The following NHSL1 variants were observed in gnomAD, a reference collection of about 807,000 sequenced individuals.
NHSL1 encodes NHS-like protein 1.
NHSL1 carries 48 observed loss-of-function variants against 95.0 expected under a neutral mutation model. That is an observed-to-expected ratio of 0.51 (90% CI 0.40 to 0.64). The LOEUF is 0.64. NHSL1 is among the 30% of genes least tolerant of loss of function. The pLI is 0.00. For missense variants in NHSL1, 1,971 were observed against 2,077.7 expected, an observed-to-expected ratio of 0.95 and a Z score of 1.00; for synonymous variants, 783 against 833.9, an observed-to-expected ratio of 0.94 and a Z score of 1.05.
intron 7 of NHSL1, 36 bp downstream of exon 7, chr6:138,429,671 TACAC>T (rs1775495326): frequency 2.6e-6 from 4 of 1,511,860 alleles, no homozygotes; most frequent in Non-Finnish European, 3.6e-6. Flanking sequence ...AAGAAGGAAT[TACAC>T]AGTAGATTAA....
At chr6:138,610,403 GC>G (rs1784494169) in intron 1 of NHSL1, among the ~76,000 whole-genome samples, 1 of 151,938 alleles carries the variant, frequency 6.6e-6, no homozygotes, top group Non-Finnish European at 1.5e-5. Flanking sequence ...AGTGGGGGGA[GC>G]GGGGAGGGAT....
intron 1 of NHSL1, among the ~76,000 whole-genome samples, chr6:138,620,876 A>G (rs1236583275): frequency 6.6e-6 from 1 of 152,224 alleles, no homozygotes; most frequent in Non-Finnish European, 1.5e-5. Context: ...GTCTTCAAAC[A>G]TCATGCCACA....
upstream of NHSL1, among the ~76,000 whole-genome samples, chr6:138,546,427 C>CAAAAAAAAAAAAAAAAAAA (rs1177720465): frequency 1.4e-4 from 7 of 50,916 alleles, no homozygotes; most frequent in African/African-American, 3.8e-4. Flanking sequence ...CCCATCTCTA[C>CAAAAAAAAAAAAAAAAAAA]AAAAAAAAAA....
intron 5 of NHSL1, among the ~76,000 whole-genome samples, chr6:138,437,446 A>ACACACAC (rs1491460792): frequency 1.5e-4 from 5 of 33,984 alleles, no homozygotes; most frequent in Non-Finnish European, 2.3e-4. Context: ...ACACACACAC[A>ACACACAC]AAAAAAAAAA....
intron 1 of NHSL1, among the ~76,000 whole-genome samples, chr6:138,675,854 A>G (rs1192598142): frequency 1.3e-5 from 2 of 152,174 alleles, no homozygotes; most frequent in African/African-American, 2.4e-5. Context: ...ACATGATTAT[A>G]TCTCACTGCA....
At chr6:138,476,706 T>C (rs1391433675) in intron 2 of NHSL1, among the ~76,000 whole-genome samples, 1 of 151,972 alleles carries the variant, frequency 6.6e-6, no homozygotes, top group African/African-American at 2.4e-5. Flanking sequence ...TGGGTACCTG[T>C]AACCCCAGCT....
At chr6:138,650,324 G>A in intron 1 of NHSL1, 2 of 871,042 alleles carry the variant, frequency 2.3e-6, no homozygotes, top group Non-Finnish European at 3.8e-6. Flanking sequence ...AGTGAATCCA[G>A]GATTTGAACA....
chr6:138,461,912 G>A (rs1052017007), intron 3 of NHSL1, among the ~76,000 whole-genome samples: 2 of 152,202 alleles, frequency 1.3e-5, no homozygotes, highest in Non-Finnish European at 2.9e-5. Context: ...TGAAGTCCTT[G>A]AGAGGTTGGC....
intron 3 of NHSL1, among the ~76,000 whole-genome samples, chr6:138,447,827 GA>G (rs1263691566): frequency 6.6e-6 from 1 of 152,144 alleles, no homozygotes; most frequent in Non-Finnish European, 1.5e-5. Flanking sequence ...GAAGCCTAGA[GA>G]AAAACATCAT....
chr6:138,443,014 C>T (rs1011994427), intron 4 of NHSL1, among the ~76,000 whole-genome samples: 10 of 151,738 alleles, frequency 6.6e-5, no homozygotes, highest in Admixed American at 5.9e-4. Flanking sequence ...AAGTTATTTT[C>T]AAATATACAT....
upstream of NHSL1, among the ~76,000 whole-genome samples, chr6:138,502,866 A>G (rs1780762061): frequency 6.6e-6 from 1 of 152,208 alleles, no homozygotes; most frequent in Admixed American, 6.5e-5. Flanking sequence ...ATGTAAACAT[A>G]CGTAAGTGTA....
chr6:138,678,418 C>T (rs951189910), intron 1 of NHSL1, among the ~76,000 whole-genome samples: 1 of 152,174 alleles, frequency 6.6e-6, no homozygotes, highest in African/African-American at 2.4e-5. Context: ...ATAGCATTGT[C>T]ACATGGGACA....
At chr6:138,525,900 C>T (rs1781884018) in intron 1 of NHSL1, among the ~76,000 whole-genome samples, 1 of 151,444 alleles carries the variant, frequency 6.6e-6, no homozygotes, top group South Asian at 2.1e-4. Flanking sequence ...AGTTCGAGAC[C>T]AGCCTGGCCA....
chr6:138,657,547 C>T (rs1188151959), intron 1 of NHSL1, among the ~76,000 whole-genome samples: 1 of 152,086 alleles, frequency 6.6e-6, no homozygotes, highest in East Asian at 1.9e-4. Flanking sequence ...GGCGCGGTGG[C>T]TCATGCCTGT....
upstream of NHSL1, among the ~76,000 whole-genome samples, chr6:138,693,079 GGGC>G (rs1233337976): frequency 6.6e-6 from 1 of 151,324 alleles, no homozygotes; most frequent in African/African-American, 2.4e-5. This position sits in a 1 kb window ranked among gnomAD's most constrained non-coding sequence, Gnocchi z 4.3. Context: ...GGGCAGCTCT[GGGC>G]GGCGGCGGCC....
At chr6:138,458,858 G>GA (rs1777808772) in intron 3 of NHSL1, among the ~76,000 whole-genome samples, 1 of 149,010 alleles carries the variant, frequency 6.7e-6, no homozygotes, top group East Asian at 2.0e-4. Context: ...AAAAAACCCA[G>GA]AAAAAATCTA....
At chr6:138,486,948 G>A (rs1171214202) in intron 2 of NHSL1, among the ~76,000 whole-genome samples, 1 of 152,186 alleles carries the variant, frequency 6.6e-6, no homozygotes, top group Non-Finnish European at 1.5e-5. Flanking sequence ...AAAGGTTGTG[G>A]GGGACTCTAG....
intron 1 of NHSL1, among the ~76,000 whole-genome samples, chr6:138,686,508 T>C (rs1464274882): frequency 6.6e-6 from 1 of 152,188 alleles, no homozygotes; most frequent in Non-Finnish European, 1.5e-5. Context: ...AATAAAATAG[T>C]TGTTTCCCAT....
intron 1 of NHSL1, among the ~76,000 whole-genome samples, chr6:138,519,071 A>G (rs1781571087): frequency 6.6e-6 from 1 of 152,014 alleles, no homozygotes; most frequent in Non-Finnish European, 1.5e-5. Flanking sequence ...CATACATAAT[A>G]AAATGCCACT....
Sources: gnomAD v4.1 joint callset for allele counts (sites outside exome capture counted in the v4.1 genomes callset) on GRCh38, gnomAD v4.1.1 for gene constraint, Gnocchi (gnomAD v3.1) non-coding constraint, MANE v1.5 for transcripts, NCBI Gene and HGNC (gene_info 2026-07-23, HGNC 2026-07-21) for gene names.